DHPS: variants seen among roughly 807,000 people sequenced by gnomAD.
DHPS encodes the protein deoxyhypusine synthase.
A neutral mutation model predicts 38.7 loss-of-function variants in DHPS; 24 were observed. The observed-to-expected ratio is 0.62, with a 90% CI of 0.45 to 0.87. DHPS has a LOEUF of 0.87. Among genes scored for constraint, DHPS ranks in the 40% least tolerant of loss-of-function variants. The pLI, the probability that DHPS is intolerant of heterozygous loss-of-function variation, is 0.00. For synonymous variants in DHPS, 250 were observed against 204.4 expected, an observed-to-expected ratio of 1.22 and a Z score of -1.90; for missense variants, 510 against 497.6, an observed-to-expected ratio of 1.02 and a Z score of -0.24.
downstream of DHPS, among the ~76,000 whole-genome samples, chr19:12,674,271 G>C (rs2024506262): frequency 1.3e-5 from 2 of 152,194 alleles, no homozygotes; most frequent in South Asian, 4.1e-4. Context: ...TAGCATCCCT[G>C]TGCATGGTTT....
chr19:12,677,228 G>A lies in DHPS; in HGVS notation c.785-17C>T, dbSNP rs745985350. On this transcript the variant is annotated splice_polypyrimidine_tract_variant and intron_variant, in intron 6 of 8. Transcript: ENST00000210060. ...GCCTCAGGTCTGGGGGAAGAGCGCC[G>A]AAGTCAGGCCTTGGACTCAGCCAGC... 1.2e-5 allele frequency: 19 copies of A among 1,614,094 alleles called. No homozygotes were observed. Among genetic ancestry groups the A allele is most frequent in the African/African-American group, 4.0e-5 (3 of 75,072 alleles).
downstream of DHPS, among the ~76,000 whole-genome samples, chr19:12,673,947 G>C (rs1163341268): frequency 2.0e-5 from 3 of 152,136 alleles, no homozygotes; most frequent in Non-Finnish European, 4.4e-5. Flanking sequence ...TGATTCACCC[G>C]CCTCGGCCTC....
downstream of DHPS, among the ~76,000 whole-genome samples, chr19:12,674,013 AG>A (rs2024496974): frequency 6.6e-6 from 1 of 152,138 alleles, no homozygotes; most frequent in Non-Finnish European, 1.5e-5. Context: ...GCTAGAGAGA[AG>A]ATGAGGCAGG....
chr19:12,676,290 T>C, intron 7 of DHPS, 148 bp from the exon 8 acceptor site: 1 of 1,037,086 alleles, frequency 9.6e-7, no homozygotes, highest in Non-Finnish European at 1.4e-6. Context: ...AGGGCCCATG[T>C]CAATGTCTGG....
chr19:12,677,502 T>C, intron 5 of DHPS, 106 bp from the exon 6 acceptor site: 3 of 877,150 alleles, frequency 3.4e-6, no homozygotes, highest in Non-Finnish European at 5.4e-6. Context: ...TCTAGGACTG[T>C]TTCCTCAATT....
downstream of DHPS, chr19:12,673,353 C>G: frequency 2.0e-6 from 3 of 1,533,492 alleles, no homozygotes; most frequent in Non-Finnish European, 2.7e-6. Context: ...ACCTAGATGC[C>G]TGCCCCATCT....
downstream of DHPS, chr19:12,673,410 CTTTTT>C (rs58676851): frequency 7.7e-3 from 1,891 of 245,972 alleles, no homozygotes; most frequent in Middle Eastern, 0.013. Context: ...AGGCTAGGAT[CTTTTT>C]TTTTTTTTTT....
intron 1 of DHPS, 64 bp from the exon 2 acceptor site, chr19:12,680,389 G>A: frequency 6.3e-7 from 1 of 1,586,456 alleles, no homozygotes; most frequent in Non-Finnish European, 8.6e-7. Flanking sequence ...GACTCCAGGT[G>A]GGCTCCAGAA....
At chr19:12,675,964 G>A in intron 8 of DHPS, 31 bp from the exon 9 acceptor site, 1 of 1,603,580 alleles carries the variant, frequency 6.2e-7, no homozygotes, top group Non-Finnish European at 8.5e-7. Context: ...GTAAGCCATG[G>A]GACCCACACT....
chr19:12,681,408 C>T (rs144066429), intron 1 of DHPS, 152 bp downstream of exon 1: 139 of 1,085,726 alleles, frequency 1.3e-4, no homozygotes, highest in Non-Finnish European at 1.7e-4. Context: ...ACAGAAACTC[C>T]CGCCCAGAAT....
At chr19:12,678,884 G>A (rs1369510330) in intron 5 of DHPS, among the ~76,000 whole-genome samples, 3 of 150,860 alleles carry the variant, frequency 2.0e-5, no homozygotes, top group African/African-American at 4.9e-5. Flanking sequence ...GGGAGTGTGG[G>A]ACCCTGAGCC....
At chr19:12,677,049 G>A in intron 7 of DHPS, 59 bp downstream of exon 7, 1 of 1,510,714 alleles carries the variant, frequency 6.6e-7, no homozygotes, top group Non-Finnish European at 9.2e-7. Context: ...CCCAGCACAT[G>A]GCATAGGCCC....
chr19:12,681,219 C>T, intron 1 of DHPS: 1 of 1,238,450 alleles, frequency 8.1e-7, no homozygotes, highest in Non-Finnish European at 1.0e-6. Context: ...ATTCAAGAAC[C>T]GCCCAGACTT....
chr19:12,680,476 T>A, intron 1 of DHPS, 151 bp from the exon 2 acceptor site: 1 of 738,764 alleles, frequency 1.4e-6, no homozygotes, highest in Non-Finnish European at 2.2e-6. Flanking sequence ...ATCTCCTGTG[T>A]AAACTCTGCC....
downstream of DHPS, chr19:12,673,213 A>T (rs764380107): frequency 6.2e-7 from 1 of 1,614,016 alleles, no homozygotes; most frequent in Admixed American, 1.7e-5. Context: ...TACAAGGGCC[A>T]TAAGAACCAG....
rs1291188401 is a variant in DHPS, at chr19:12,681,701, C to A, written c.66G>T (p.Ser22=). The change falls in exon 1 of 9, where the codon TCG becomes TCT. Residue 22 remains serine, a synonymous_variant. Transcript: ENST00000210060. ...GALAAVLKHS[S]TLPPESTQVR... is the part of the protein sequence containing the mutation. ...CCTGGGTGCTTTCGGGCGGCAACGT[C>A]GAGCTGTGCTTTAGCACGGCGGCCA... 2 of 1,614,000 alleles carry A rather than the reference C, an allele frequency of 1.2e-6. No individual in the cohort carries two copies. Among genetic ancestry groups the A allele is most frequent in the Admixed American group, 1.7e-5 (1 of 60,024 alleles).
chr19:12,676,196 C>CAGAA, intron 7 of DHPS, 54 bp from the exon 8 acceptor site: 1 of 1,557,964 alleles, frequency 6.4e-7, no homozygotes, highest in Admixed American at 1.8e-5. Flanking sequence ...AGGAGACAGA[C>CAGAA]ACAGAGGGAG....
At chr19:12,673,369 C>T, downstream of DHPS, 1 of 1,331,662 alleles carries the variant, frequency 7.5e-7, no homozygotes, top group East Asian at 2.3e-5. Context: ...CATCTCAGCC[C>T]TGTCCTTACC....
chr19:12,677,447 T>C (rs762347442), intron 5 of DHPS, 51 bp from the exon 6 acceptor site: 40 of 1,498,226 alleles, frequency 2.7e-5, no homozygotes, highest in Non-Finnish European at 3.5e-5. Flanking sequence ...CTCGTCTCCA[T>C]GCTGGCTATA....
Sources: gnomAD v4.1 joint callset for allele counts (sites outside exome capture counted in the v4.1 genomes callset) on GRCh38, gnomAD v4.1.1 for gene constraint, MANE v1.5 for transcripts, NCBI Gene and HGNC (gene_info 2026-07-23, HGNC 2026-07-21) for gene names.